Variants in STMN1 observed in about 807,000 individuals in gnomAD.
STMN1 encodes the protein stathmin.
A neutral mutation model predicts 19.7 loss-of-function variants in STMN1; 3 were observed. The ratio of observed to expected loss-of-function variants is 0.15; its 90% CI spans 0.07 to 0.39. The LOEUF is 0.39. STMN1 is among the 10% of genes least tolerant of loss of function. STMN1 has a pLI of 1.00. For missense variants in STMN1, 99 were observed against 176.0 expected (o/e 0.56, Z 2.48); for synonymous variants, 59 against 58.9 (o/e 1.00, Z -0.01).
At chr1:25,884,935 T>C (rs369138008), downstream of STMN1, 230 of 153,758 alleles carry the variant, frequency 1.5e-3, no homozygotes, top group Middle Eastern at 6.8e-3. Context: ...GTAGCTTTTC[T>C]TGCTCAGGTG....
chr1:25,895,725 C>A (rs921508603), downstream of STMN1, among the ~76,000 whole-genome samples: 2 of 152,222 alleles, frequency 1.3e-5, no homozygotes, highest in Non-Finnish European at 2.9e-5. Context: ...CAATTTAAAA[C>A]ACAGCATGGG....
chr1:25,905,153 G>C (rs2048923778), intron 1 of STMN1: 1 of 154,350 alleles, frequency 6.5e-6, no homozygotes, highest in Admixed American at 6.5e-5. Context: ...CCCCTGCTTT[G>C]TCTGTGTCTG....
Position 25,901,697 on chromosome 1 carries a change from T to G in STMN1, c.187-15A>C. Reference sequence around the variant, plus strand: ...GCTTCATGGGACTGGAAAAAAAAGTTTAATAGGCTAGGCACTCTAAAATGT... The same window carrying G: ...GCTTCATGGGACTGGAAAAAAAAGTGTAATAGGCTAGGCACTCTAAAATGT... On this transcript the variant is annotated splice_polypyrimidine_tract_variant and intron_variant, in intron 3 of 4. Transcript: ENST00000455785. 6.2e-7 allele frequency: 1 copy of G among 1,602,700 alleles called. No individual in the cohort carries two copies. Among genetic ancestry groups the G allele is most frequent in the Non-Finnish European group, 8.5e-7 (1 of 1,175,986 alleles).
In STMN1 at chr1:25,906,038, C is replaced by G. The variant is rs1002281299; in HGVS notation, c.-63+351G>C. On this transcript the variant is annotated intron_variant, in intron 1 of 4. Coordinates refer to ENST00000455785, the MANE Select transcript of STMN1 (RefSeq NM_005563.4). The surrounding 1 kb of genome is among the most constrained non-coding windows in gnomAD (Gnocchi z 4.5). ...TCCCTGGGGCACCGCCCCGTCCCTTCAGACAATGGGGAACCCGGCGGGGCC... is the reference window on the plus strand; with the variant it reads ...TCCCTGGGGCACCGCCCCGTCCCTTGAGACAATGGGGAACCCGGCGGGGCC... 2 of 151,744 alleles carry G rather than the reference C, an allele frequency of 1.3e-5. No homozygotes were observed. The highest frequency in any genetic ancestry group is 2.9e-5 in the Non-Finnish European group (2 of 68,022). 9.4% of individuals were successfully genotyped at this position (151,744 alleles called of 1,614,324 possible).
At chr1:25,897,367 T>A (rs1048334808), downstream of STMN1, among the ~76,000 whole-genome samples, 2 of 150,782 alleles carry the variant, frequency 1.3e-5, no homozygotes, top group Non-Finnish European at 3.0e-5. Flanking sequence ...TATTCCTAAA[T>A]GAACCACATT....
chr1:25,894,497 T>C (rs534769160), intron 4 of STMN1, among the ~76,000 whole-genome samples: 1 of 152,096 alleles, frequency 6.6e-6, no homozygotes, highest in East Asian at 1.9e-4. Context: ...CTGGGCAACA[T>C]GGTGAAATCT....
chr1:25,891,002 A>T (rs2048769449), intron 4 of STMN1, among the ~76,000 whole-genome samples: 1 of 152,190 alleles, frequency 6.6e-6, no homozygotes, highest in African/African-American at 2.4e-5. Flanking sequence ...AAAATGGGAT[A>T]AAAAAGAATA....
At chr1:25,890,777 C>T (rs185714858) in intron 4 of STMN1, among the ~76,000 whole-genome samples, 9 of 152,218 alleles carry the variant, frequency 5.9e-5, no homozygotes, top group African/African-American at 2.2e-4. Context: ...GCTAGGCGAG[C>T]GTATCCAGGG....
At position 25,906,184 on chromosome 1, in the gene STMN1, C is replaced by T. The variant is rs566966103; in HGVS notation, c.-63+205G>A. On this transcript the variant is annotated intron_variant, in intron 1 of 4. Coordinates refer to ENST00000455785, the MANE Select transcript of STMN1 (RefSeq NM_005563.4). This position sits in a 1 kb window ranked among gnomAD's most constrained non-coding sequence, Gnocchi z 4.5. Reference sequence around the variant, plus strand: ...AGCCCCCTGCCCACGAACAGCCGCGCCCCCGGAGAGCGGGGACAAAGGCGA... The same window carrying T: ...AGCCCCCTGCCCACGAACAGCCGCGTCCCCGGAGAGCGGGGACAAAGGCGA... The T allele has an allele frequency of 3.3e-5, 5 of 152,400 alleles. No individual in the cohort carries two copies. The highest frequency in any genetic ancestry group is 3.9e-4 in the East Asian group (2 of 5,148). 9.4% of individuals were successfully genotyped at this position (152,400 alleles called of 1,614,324 possible). A position where few individuals can be genotyped will look rare whatever the true frequency, so the allele number is the denominator to read the frequency against.
rs1347647560 is a variant in STMN1, at chr1:25,903,628, T to C, written c.186+13A>G. The C allele has an allele frequency of 6.2e-7, 1 of 1,610,102 alleles. No individual in the cohort carries two copies. Among genetic ancestry groups the C allele is most frequent in the Non-Finnish European group, 8.5e-7 (1 of 1,179,446 alleles). On this transcript the variant is annotated intron_variant, in intron 3 of 4. Transcript: ENST00000455785. ...AAATTAATATCCTGCTTTCTGTGAA[T>C]TGCTTCGTTTACCTTGCGTCTTTCT... is the stretch of plus-strand genomic sequence containing the variant.
Position 25,900,848 on chromosome 1 carries a change from C to T in STMN1, c.*168G>A. 1 of 1,419,410 alleles carries T rather than the reference C, an allele frequency of 7.0e-7. No homozygotes were observed. The highest frequency in any genetic ancestry group is 9.2e-7 in the Non-Finnish European group (1 of 1,085,524). 87.9% of individuals were successfully genotyped at this position (1,419,410 alleles called of 1,614,324 possible). A position where few individuals can be genotyped will look rare whatever the true frequency, so the allele number is the denominator to read the frequency against. On this transcript the variant is annotated 3_prime_UTR_variant, in exon 5 of 5. Transcript: ENST00000455785. ...GAGTAAAACACTTTCAGTTTCTCCCCTTTAGCCCCTAAAACAACATCTTAC... is the reference window on the plus strand; with the variant it reads ...GAGTAAAACACTTTCAGTTTCTCCCTTTTAGCCCCTAAAACAACATCTTAC...
intron 3 of STMN1, chr1:25,903,351 C>T: frequency 6.5e-6 from 2 of 307,798 alleles, no homozygotes; most frequent in South Asian, 6.8e-5. Flanking sequence ...GAATTCTGAC[C>T]CCAACACTTA....
At chr1:25,889,180 G>A (rs2048750934) in intron 4 of STMN1, 1 of 307,128 alleles carries the variant, frequency 3.3e-6, no homozygotes, top group Non-Finnish European at 6.4e-6. Flanking sequence ...ATATCAAGCT[G>A]AAAATGTCAC....
intron 3 of STMN1, chr1:25,902,077 C>T (rs770476945): frequency 1.3e-4 from 19 of 142,358 alleles, no homozygotes; most frequent in Non-Finnish European, 2.3e-4. Context: ...TGAAAAGGGG[C>T]AGAAAATAAG....
intron 1 of STMN1, chr1:25,905,007 A>G (rs972122616): frequency 5.6e-5 from 17 of 303,232 alleles, no homozygotes; most frequent in Middle Eastern, 9.3e-4. Flanking sequence ...CAAAGTCACA[A>G]GGGTGAAGAA....
chr1:25,885,588 C>A, exon 5 of STMN1: 1 of 1,168,286 alleles, frequency 8.6e-7, no homozygotes, highest in Non-Finnish European at 1.2e-6. Flanking sequence ...GCAAGCAGAA[C>A]TGGCTGGTAT....
downstream of STMN1, among the ~76,000 whole-genome samples, chr1:25,898,072 C>G (rs535918594): frequency 6.6e-6 from 1 of 152,294 alleles, no homozygotes; most frequent in African/African-American, 2.4e-5. Flanking sequence ...CCTCCACTTT[C>G]TCTTCCTTAA....
intron 4 of STMN1, among the ~76,000 whole-genome samples, chr1:25,889,773 C>T (rs961601190): frequency 2.0e-5 from 3 of 152,204 alleles, no homozygotes; most frequent in East Asian, 1.9e-4. Flanking sequence ...ACCAAACCCT[C>T]GCCCTGGCCC....
exon 5 of STMN1, chr1:25,885,482 C>T (rs568486391): frequency 1.3e-5 from 5 of 393,364 alleles, no homozygotes; most frequent in Middle Eastern, 7.0e-4. Flanking sequence ...GGGCCCTCTA[C>T]GTTGGCAGTG....
Sources: gnomAD v4.1 joint callset for allele counts (sites outside exome capture counted in the v4.1 genomes callset) on GRCh38, gnomAD v4.1.1 for gene constraint, Gnocchi (gnomAD v3.1) non-coding constraint, MANE v1.5 for transcripts, NCBI Gene and HGNC (gene_info 2026-07-23, HGNC 2026-07-21) for gene names.